MIS18BP1: variants seen among roughly 807,000 people sequenced by gnomAD.
The protein encoded by MIS18BP1 is mis18-binding protein 1.
In MIS18BP1, 72 loss-of-function variants were observed where a neutral mutation model predicts 116.1. The observed-to-expected ratio is 0.62, with a 90% CI of 0.51 to 0.75. The LOEUF is 0.75. Ranked by LOEUF, MIS18BP1 falls within the 30% of genes least tolerant of loss-of-function variation. MIS18BP1 has a pLI of 0.00. For missense variants in MIS18BP1, 1,363 were observed against 1,303.2 expected, an observed-to-expected ratio of 1.05 and a Z score of -0.71; for synonymous variants, 386 against 427.0, an observed-to-expected ratio of 0.90 and a Z score of 1.18.
At chr14:45,214,673 G>A (rs1000385836) in intron 13 of MIS18BP1, among the ~76,000 whole-genome samples, 3 of 152,198 alleles carry the variant, frequency 2.0e-5, no homozygotes, top group African/African-American at 7.2e-5. Context: ...AGGTGTGGAG[G>A]GGCAGGCCAC....
At chr14:45,218,993 C>G (rs1890899838) in intron 11 of MIS18BP1, among the ~76,000 whole-genome samples, 1 of 152,000 alleles carries the variant, frequency 6.6e-6, no homozygotes, top group Non-Finnish European at 1.5e-5. Flanking sequence ...ATAGAGAAAA[C>G]TATAAGGAAG....
rs1162012707 is a variant in MIS18BP1 at position 45,233,786 on chromosome 14, A to C, written c.1349-966T>G. Among the ~76,000 whole-genome samples, 5 of 152,260 alleles carry C rather than the reference A, an allele frequency of 3.3e-5. No homozygotes were observed. In the East Asian group the frequency reaches 9.6e-4, roughly 29 times the overall value. ...TATAGGTTAAGCAAATTTAAGGGAG[A>C]AGATCAGGTTTTAGATTTATTAAGT... On this transcript the variant is annotated intron_variant, in intron 6 of 16. Transcript: ENST00000310806.
At chr14:45,236,593 A>G (rs767698549) in intron 5 of MIS18BP1, among the ~76,000 whole-genome samples, 8 of 152,232 alleles carry the variant, frequency 5.3e-5, no homozygotes, top group African/African-American at 9.6e-5. Context: ...AGCATGACGA[A>G]TAAGGAAATC....
At chr14:45,249,264 G>A (rs1235186227) in intron 1 of MIS18BP1, among the ~76,000 whole-genome samples, 1 of 152,084 alleles carries the variant, frequency 6.6e-6, no homozygotes, top group African/African-American at 2.4e-5. Flanking sequence ...GCTAATTTTT[G>A]TATTTTTAGT....
rs1254448072 is a variant in MIS18BP1 at position 45,237,675 on chromosome 14, GTAT to G, written c.1187_1189del (p.Asn396del). On this transcript the variant is annotated inframe_deletion, in exon 5 of 17. Transcript: ENST00000310806. Reference sequence around the variant, plus strand: ...CAATTTTCCTTCTACACATATAGCAGTATTATTATTGATGCTTTTAATCATCCA... The same window carrying G: ...CAATTTTCCTTCTACACATATAGCAGTATTATTGATGCTTTTAATCATCCA... The G allele has an allele frequency of 6.2e-7, 1 of 1,601,340 alleles. No homozygotes were observed. Among genetic ancestry groups the G allele is most frequent in the African/African-American group, 1.3e-5 (1 of 74,312 alleles).
At chr14:45,218,207 T>C in intron 12 of MIS18BP1, 75 bp downstream of exon 12, 1 of 1,414,634 alleles carries the variant, frequency 7.1e-7, no homozygotes, top group Non-Finnish European at 9.7e-7. Context: ...TGGATAAATA[T>C]AAAATATATC....
In MIS18BP1 at chr14:45,223,900, T is replaced by G; in HGVS notation, c.2669+18A>C. ...TGGCTGCTCTGTAGATATTTCGGAA[T>G]GAAATCTAACTACTTACCAATGAAG... On this transcript the variant is annotated intron_variant, in intron 11 of 16. Transcript: ENST00000310806. The G allele has an allele frequency of 5.3e-6, 8 of 1,518,460 alleles. No homozygotes were observed. The highest frequency in any genetic ancestry group is 1.3e-5 in the South Asian group (1 of 78,826). 94.1% of individuals were successfully genotyped at this position (1,518,460 alleles called of 1,614,324 possible). A position where few individuals can be genotyped will look rare whatever the true frequency, so the allele number is the denominator to read the frequency against.
chr14:45,236,587 T>C (rs762797731), intron 5 of MIS18BP1, among the ~76,000 whole-genome samples: 1 of 152,206 alleles, frequency 6.6e-6, no homozygotes, highest in African/African-American at 2.4e-5. Flanking sequence ...ATGATAAGCA[T>C]GACGAATAAG....
At chr14:45,215,400 C>T (rs927245334) in intron 13 of MIS18BP1, among the ~76,000 whole-genome samples, 2 of 152,042 alleles carry the variant, frequency 1.3e-5, no homozygotes, top group South Asian at 2.1e-4. Context: ...GTCTGTTATC[C>T]ACACATTTCT....
intron 11 of MIS18BP1, among the ~76,000 whole-genome samples, chr14:45,221,703 A>C (rs2139176504): frequency 6.6e-6 from 1 of 152,274 alleles, no homozygotes; most frequent in South Asian, 2.1e-4. Flanking sequence ...CTTGGAAATA[A>C]CCTATTCTTT....
At chr14:45,210,565 T>A in intron 13 of MIS18BP1, 37 bp from the exon 14 acceptor site, 2 of 1,608,736 alleles carry the variant, frequency 1.2e-6, no homozygotes, top group Non-Finnish European at 1.7e-6. Flanking sequence ...AGGCACCCCA[T>A]AAAAGGTATT....
chr14:45,243,097 G>A (rs1162557768), intron 2 of MIS18BP1, among the ~76,000 whole-genome samples: 1 of 152,080 alleles, frequency 6.6e-6, no homozygotes, highest in Non-Finnish European at 1.5e-5. Context: ...CGGTGAGGAA[G>A]AATTTTTTAA....
intron 2 of MIS18BP1, among the ~76,000 whole-genome samples, chr14:45,245,687 C>T (rs930305807): frequency 2.0e-5 from 3 of 152,128 alleles, no homozygotes; most frequent in Non-Finnish European, 4.4e-5. Flanking sequence ...TTTATTCTAC[C>T]TTCCAAATGC....
chr14:45,224,108 C>G lies in MIS18BP1; in HGVS notation c.2479G>C (p.Glu827Gln), dbSNP rs1891052799. 1.2e-6 allele frequency: 2 copies of G among 1,612,358 alleles called. No individual in the cohort carries two copies. Among genetic ancestry groups the G allele is most frequent in the East Asian group, 2.2e-5 (1 of 44,832 alleles). Residue 827 changes from glutamate (E) to glutamine (Q), a missense_variant, in exon 11 of 17, where the codon GAA becomes CAA. Transcript: ENST00000310806. Reference sequence around the variant, plus strand: ...GCTTTCTTTTGTTTGATATAAAATTCATTTTCACTTTCTTCAGTTTCAGGT... The same window carrying G: ...GCTTTCTTTTGTTTGATATAAAATTGATTTTCACTTTCTTCAGTTTCAGGT... ...LEPETEESEN[E>Q]FYIKQKKARP...
chr14:45,230,546 T>G (rs1404205932), intron 8 of MIS18BP1, among the ~76,000 whole-genome samples: 2 of 152,146 alleles, frequency 1.3e-5, no homozygotes, highest in African/African-American at 4.8e-5. Context: ...GTCAAGGAAA[T>G]TAAAAGAACA....
At position 45,221,618 on chromosome 14, in the gene MIS18BP1, T is replaced by C. The variant is rs1300926415; in HGVS notation, c.2669+2300A>G. ...TTAATTCAATTATCATCAGAGAATATGCTTTGTATGATTTCAGCTATTTTA... is the reference window on the plus strand; with the variant it reads ...TTAATTCAATTATCATCAGAGAATACGCTTTGTATGATTTCAGCTATTTTA... On this transcript the variant is annotated intron_variant, in intron 11 of 16. Coordinates refer to ENST00000310806, the MANE Select transcript of MIS18BP1 (RefSeq NM_018353.5). Among the ~76,000 whole-genome samples, 3 of 152,360 alleles carry C rather than the reference T, an allele frequency of 2.0e-5. No homozygotes were observed. In the South Asian group the frequency reaches 6.2e-4, roughly 32 times the overall value.
chr14:45,217,438 T>C (rs1430758740), intron 12 of MIS18BP1, among the ~76,000 whole-genome samples: 4 of 151,862 alleles, frequency 2.6e-5, no homozygotes, highest in East Asian at 1.9e-4. Flanking sequence ...AATACAGATA[T>C]AGATAAAGCA....
chr14:45,246,701 A>T (rs977684578), intron 2 of MIS18BP1, 42 bp downstream of exon 2: 1 of 1,508,708 alleles, frequency 6.6e-7, no homozygotes, highest in Admixed American at 2.3e-5. Flanking sequence ...AACATTAAAC[A>T]CTTAAGACAT....
intron 6 of MIS18BP1, among the ~76,000 whole-genome samples, chr14:45,234,467 A>T (rs1891371068): frequency 6.6e-6 from 1 of 152,216 alleles, no homozygotes; most frequent in African/African-American, 2.4e-5. Context: ...TAGTTCATCC[A>T]TAATAAAAGC....
Sources: allele counts gnomAD v4.1 joint callset (sites outside exome capture counted in the v4.1 genomes callset), GRCh38; gene constraint gnomAD v4.1.1; transcripts MANE v1.5; gene names NCBI Gene and HGNC (gene_info 2026-07-23, HGNC 2026-07-21).